KCNT2: variants seen among roughly 807,000 people sequenced by gnomAD.
KCNT2 encodes potassium channel subfamily T member 2.
In KCNT2, 67 loss-of-function variants were observed where a neutral mutation model predicts 153.8. That is an observed-to-expected ratio of 0.44 (90% CI 0.36 to 0.53). The LOEUF is 0.53. KCNT2 is among the 20% of genes least tolerant of loss of function. The pLI is 0.00. For missense variants in KCNT2, 975 were observed against 1,354.8 expected (o/e 0.72, Z 4.40); for synonymous variants, 500 against 458.8 (o/e 1.09, Z -1.15).
intron 8 of KCNT2, among the ~76,000 whole-genome samples, chr1:196,460,470 T>G (rs1201170678): frequency 1.3e-5 from 2 of 151,826 alleles, no homozygotes; most frequent in Admixed American, 1.3e-4. Context: ...TTGCAAATAT[T>G]AGTTAAACAT....
intron 25 of KCNT2, among the ~76,000 whole-genome samples, chr1:196,274,298 G>A: frequency 6.6e-6 from 1 of 151,584 alleles, no homozygotes; most frequent in South Asian, 2.1e-4. Flanking sequence ...TATATTATTT[G>A]ATGTAATATA....
chr1:196,237,272 C>A (rs1654529449), intron 26 of KCNT2, among the ~76,000 whole-genome samples: 1 of 151,604 alleles, frequency 6.6e-6, no homozygotes, highest in Non-Finnish European at 1.5e-5. Flanking sequence ...ATATGAAAGA[C>A]ACTATTTTCG....
chr1:196,569,823 G>A (rs1486772231), intron 1 of KCNT2, among the ~76,000 whole-genome samples: 2 of 152,002 alleles, frequency 1.3e-5, no homozygotes, highest in African/African-American at 4.8e-5. Flanking sequence ...TGGCCAGATT[G>A]GAAAGAAAGC....
At chr1:196,529,105 T>G (rs1010096190) in intron 1 of KCNT2, among the ~76,000 whole-genome samples, 1 of 152,128 alleles carries the variant, frequency 6.6e-6, no homozygotes, top group Non-Finnish European at 1.5e-5. Context: ...TTAAAGTCAG[T>G]GTATAATATG....
intron 19 of KCNT2, among the ~76,000 whole-genome samples, chr1:196,325,498 C>G (rs1663756530): frequency 6.6e-6 from 1 of 152,114 alleles, no homozygotes; most frequent in African/African-American, 2.4e-5. Flanking sequence ...TTGGAGCTTC[C>G]TAGCAGAGAT....
chr1:196,325,819 A>C (rs927271135), intron 19 of KCNT2, among the ~76,000 whole-genome samples: 2 of 152,158 alleles, frequency 1.3e-5, no homozygotes, highest in South Asian at 4.1e-4. Context: ...AAGTTGCATC[A>C]ATAAGTATTT....
intron 1 of KCNT2, among the ~76,000 whole-genome samples, chr1:196,551,054 A>C (rs1657828302): frequency 6.6e-6 from 1 of 151,858 alleles, no homozygotes. Context: ...TAGGGAAGTC[A>C]ATGAAGGAAG....
chr1:196,453,670 A>G (rs1341897827), intron 8 of KCNT2, among the ~76,000 whole-genome samples: 1 of 151,930 alleles, frequency 6.6e-6, no homozygotes, highest in Non-Finnish European at 1.5e-5. Context: ...TGCCACATCC[A>G]ATGGGGGGAT....
chr1:196,316,063 A>T lies in KCNT2; in HGVS notation c.2349-37T>A, dbSNP rs201882482. The T allele has an allele frequency of 1.1e-4, 169 of 1,583,864 alleles. No homozygotes were observed. In the Middle Eastern group the frequency reaches 3.4e-3, roughly 31 times the overall value. ...ATCAACAGAGAAAAACAAACATTAA[A>T]TAAATCACAATGTTATAATCAGTGC... is the stretch of plus-strand genomic sequence containing the variant. On this transcript the variant is annotated intron_variant, in intron 20 of 27. Transcript: ENST00000294725.
Position 196,319,413 on chromosome 1 carries a change from T to A in KCNT2, c.2348+71A>T, listed in dbSNP as rs1553281116. 1.1e-5 allele frequency: 11 copies of A among 959,166 alleles called. 1 individual carries two copies. The South Asian group carries it at 1.8e-4, about 15-fold the overall frequency. The allele number at this position is 959,166 out of a possible 1,614,324, so 59.4% of individuals were successfully genotyped here. A position where few individuals can be genotyped will look rare whatever the true frequency, so the allele number is the denominator to read the frequency against. Reference sequence around the variant, plus strand: ...ACGGCAAATTACACTCATCATGCAGTAACAAGGCACAGCACATGACAAACC... The same window carrying A: ...ACGGCAAATTACACTCATCATGCAGAAACAAGGCACAGCACATGACAAACC... On this transcript the variant is annotated intron_variant, in intron 20 of 27. Coordinates refer to ENST00000294725, the MANE Select transcript of KCNT2 (RefSeq NM_198503.5).
intron 14 of KCNT2, among the ~76,000 whole-genome samples, chr1:196,367,543 T>G (rs1030552831): frequency 6.6e-6 from 1 of 152,142 alleles, no homozygotes; most frequent in African/African-American, 2.4e-5. Context: ...TTTATAAATA[T>G]TTACATAACT....
intron 22 of KCNT2, 91 bp downstream of exon 22, chr1:196,305,143 C>A: frequency 1.3e-6 from 1 of 746,878 alleles, no homozygotes. Context: ...TTTAGTTTTA[C>A]TATCTCATGG....
At chr1:196,356,769 T>A (rs1667208105) in intron 14 of KCNT2, among the ~76,000 whole-genome samples, 1 of 151,958 alleles carries the variant, frequency 6.6e-6, no homozygotes, top group African/African-American at 2.4e-5. Context: ...TTTAGTAAAG[T>A]AAACACATAA....
At chr1:196,263,492 G>C (rs562887039) in intron 25 of KCNT2, among the ~76,000 whole-genome samples, 4 of 152,006 alleles carry the variant, frequency 2.6e-5, no homozygotes, top group Non-Finnish European at 5.9e-5. Context: ...GTCATAGGGT[G>C]GGGGGCTAGG....
intron 1 of KCNT2, among the ~76,000 whole-genome samples, chr1:196,577,515 G>A (rs1480263738): frequency 6.6e-6 from 1 of 152,166 alleles, no homozygotes; most frequent in Non-Finnish European, 1.5e-5. Flanking sequence ...ATAGATTCCA[G>A]AGATCAGTAG....
At chr1:196,465,253 A>G (rs1557970954) in intron 8 of KCNT2, 40 bp downstream of exon 8, 1 of 1,055,330 alleles carries the variant, frequency 9.5e-7, no homozygotes, top group South Asian at 1.4e-5. Flanking sequence ...AATTATAATT[A>G]AATGAAACAT....
At chr1:196,414,028 A>G (rs1386571120) in intron 12 of KCNT2, among the ~76,000 whole-genome samples, 2 of 151,608 alleles carry the variant, frequency 1.3e-5, no homozygotes, top group Non-Finnish European at 3.0e-5. Context: ...ACTTTTAACA[A>G]ATAGTGTGCA....
At chr1:196,321,559 G>T (rs2148047308) in intron 19 of KCNT2, among the ~76,000 whole-genome samples, 1 of 151,994 alleles carries the variant, frequency 6.6e-6, no homozygotes, top group South Asian at 2.1e-4. Context: ...CTTACAATGG[G>T]CAAGCAATGT....
Position 196,305,222 on chromosome 1 carries a change from G to A in KCNT2, c.2595+12C>T, listed in dbSNP as rs201477591. On this transcript the variant is annotated intron_variant, in intron 22 of 27. Transcript: ENST00000294725. The stretch of plus-strand genomic sequence containing the variant: ...GGTTAAATCTAATTTACTTGATAAT[G>A]TGGGGTCTTACCTTTTCCAGTTTTG... 9.3e-4 allele frequency: 1,301 copies of A among 1,392,952 alleles called. 5 individuals carry two copies. The highest frequency in any genetic ancestry group is 1.2e-3 in the Non-Finnish European group (1,146 of 979,064). The allele number at this position is 1,392,952 out of a possible 1,614,324, so 86.3% of individuals were successfully genotyped here. A position where few individuals can be genotyped will look rare whatever the true frequency, so the allele number is the denominator to read the frequency against.
Sources: gnomAD v4.1 joint callset for allele counts (sites outside exome capture counted in the v4.1 genomes callset) on GRCh38, gnomAD v4.1.1 for gene constraint, MANE v1.5 for transcripts, NCBI Gene and HGNC (gene_info 2026-07-23, HGNC 2026-07-21) for gene names.